The following MICAL2 variants were observed in gnomAD, a reference collection of about 807,000 sequenced individuals.
MICAL2 encodes microtubule associated monooxygenase, calponin and LIM domain containing 2, also known as [F-actin]-monooxygenase MICAL2.
Under a neutral mutation model 127.3 loss-of-function variants are expected in MICAL2, and 77 were observed. That is an observed-to-expected ratio of 0.60 (90% CI 0.50 to 0.73). MICAL2 has a LOEUF of 0.73. Among genes scored for constraint, MICAL2 ranks in the 30% least tolerant of loss-of-function variants. The pLI, the probability that MICAL2 is intolerant of heterozygous loss-of-function variation, is 0.00. For synonymous variants in MICAL2, 570 were observed against 551.1 expected, an observed-to-expected ratio of 1.03 and a Z score of -0.48; for missense variants, 1,351 against 1,434.4, an observed-to-expected ratio of 0.94 and a Z score of 0.94.
At chr11:12,309,113 G>A (rs1178780401) in intron 29 of MICAL2, among the ~76,000 whole-genome samples, 1 of 152,048 alleles carries the variant, frequency 6.6e-6, no homozygotes, top group African/African-American at 2.4e-5. Context: ...ATGCATATAT[G>A]TAATGTGTCA....
In MICAL2 at chr11:12,203,138, A is replaced by G. The variant is rs535680836; in HGVS notation, c.265-1112A>G. Among the ~76,000 whole-genome samples, 5 of 152,346 alleles carry G rather than the reference A, an allele frequency of 3.3e-5. No homozygotes were observed. The South Asian group carries it at 1.0e-3, about 32-fold the overall frequency. On this transcript the variant is annotated intron_variant, in intron 3 of 27. Coordinates refer to ENST00000683283, the MANE Select transcript of MICAL2 (RefSeq NM_001282663.2). ...CTGAATAATATTCCATTGTGCGGAT[A>G]TACCACATTTGGTTTCTTCATCAGT...
At chr11:12,330,900 AGTGTGTGTGT>A (rs200754218) in intron 32 of MICAL2, among the ~76,000 whole-genome samples, 11 of 119,448 alleles carry the variant, frequency 9.2e-5, no homozygotes, top group African/African-American at 1.5e-4. Context: ...AGAGAGAGAG[AGTGTGTGTGT>A]GTGTGTGTGT....
At chr11:12,207,546 A>G (rs1854863583) in intron 4 of MICAL2, among the ~76,000 whole-genome samples, 1 of 152,206 alleles carries the variant, frequency 6.6e-6, no homozygotes, top group African/African-American at 2.4e-5. Flanking sequence ...ACTCCTCACC[A>G]CTGGATGTCT....
downstream of MICAL2, among the ~76,000 whole-genome samples, chr11:12,360,403 T>C (rs1939189866): frequency 6.6e-6 from 1 of 152,172 alleles, no homozygotes; most frequent in South Asian, 2.1e-4. Flanking sequence ...TGTATAGTAT[T>C]AAAGATTTCA....
intron 29 of MICAL2, among the ~76,000 whole-genome samples, chr11:12,316,270 A>T (rs553776230): frequency 2.4e-4 from 37 of 152,016 alleles, no homozygotes; most frequent in Non-Finnish European, 5.3e-4. Flanking sequence ...TATTTAGTGA[A>T]AATGTTGACA....
At chr11:12,258,673 A>G (rs1009743571) in intron 25 of MICAL2, 117 bp downstream of exon 25, 3 of 884,112 alleles carry the variant, frequency 3.4e-6, no homozygotes, top group East Asian at 5.1e-5. Flanking sequence ...TGACTCACAG[A>G]TAAAGAAGAA....
At chr11:12,138,349 T>C (rs1339842747) in intron 1 of MICAL2, 41 bp from the exon 2 acceptor site, 1 of 152,224 alleles carries the variant, frequency 6.6e-6, no homozygotes, top group Non-Finnish European at 1.5e-5. Context: ...TAAGCTACGA[T>C]GATGTCACTG....
At chr11:12,220,652 G>C (rs985704215) in intron 9 of MICAL2, among the ~76,000 whole-genome samples, 194 bp downstream of exon 9, 3 of 152,266 alleles carry the variant, frequency 2.0e-5, no homozygotes, top group African/African-American at 7.2e-5. Context: ...CTGCCTCTGT[G>C]TAGTTAGGAG....
At chr11:12,156,686 G>A (rs913657529) in intron 2 of MICAL2, among the ~76,000 whole-genome samples, 12 of 152,194 alleles carry the variant, frequency 7.9e-5, no homozygotes, top group African/African-American at 2.9e-4. Context: ...GGGGTCTGTA[G>A]GCCCCACCTG....
intron 1 of MICAL2, among the ~76,000 whole-genome samples, chr11:12,134,250 A>G (rs1851659861): frequency 6.6e-6 from 1 of 152,154 alleles, no homozygotes; most frequent in South Asian, 2.1e-4. Context: ...CATGCTCCCC[A>G]CTTTCTCCCT....
intron 31 of MICAL2, chr11:12,327,085 T>C (rs1382291735): frequency 8.3e-7 from 1 of 1,208,730 alleles, no homozygotes; most frequent in African/African-American, 1.5e-5. Flanking sequence ...AAAGGGCCTC[T>C]TTCTCCTGGA....
At chr11:12,162,700 G>T (rs1360104310) in intron 3 of MICAL2, among the ~76,000 whole-genome samples, 1 of 152,236 alleles carries the variant, frequency 6.6e-6, no homozygotes, top group African/African-American at 2.4e-5. Context: ...TATCCCTGCT[G>T]CCACTACTAC....
downstream of MICAL2, among the ~76,000 whole-genome samples, chr11:12,265,870 CT>C (rs371334586): frequency 1.3e-5 from 2 of 152,264 alleles, no homozygotes; most frequent in African/African-American, 4.8e-5. Context: ...AATCCCAGCA[CT>C]TTGGGAGGCT....
chr11:12,115,567 C>T (rs1005071704), intron 1 of MICAL2, among the ~76,000 whole-genome samples: 11 of 152,136 alleles, frequency 7.2e-5, no homozygotes, highest in Admixed American at 5.2e-4. Flanking sequence ...AACTCATCTG[C>T]CTTGACCTTC....
intron 33 of MICAL2, among the ~76,000 whole-genome samples, chr11:12,351,460 C>T (rs1372745770): frequency 6.6e-6 from 1 of 152,202 alleles, no homozygotes; most frequent in African/African-American, 2.4e-5. Flanking sequence ...AAGTACAAGA[C>T]AGTCCCTTCC....
At chr11:12,327,316 G>A (rs545635058) in intron 32 of MICAL2, 2 of 1,465,042 alleles carry the variant, frequency 1.4e-6, no homozygotes, top group African/African-American at 1.4e-5. Context: ...TGAGAATAGT[G>A]CTAGCGTAAC....
At chr11:12,222,857 G>T in intron 11 of MICAL2, 114 bp downstream of exon 11, 2 of 1,336,248 alleles carry the variant, frequency 1.5e-6, no homozygotes, top group Non-Finnish European at 1.0e-6. Context: ...AGGCCACCAA[G>T]GCCTGCTGGC....
chr11:12,258,021 G>C (rs1862562210), intron 24 of MICAL2, among the ~76,000 whole-genome samples: 1 of 152,180 alleles, frequency 6.6e-6, no homozygotes, highest in South Asian at 2.1e-4. Flanking sequence ...CTGGCAACCG[G>C]TCTTATGAAG....
chr11:12,268,729 G>A (rs550003682), downstream of MICAL2, among the ~76,000 whole-genome samples: 3 of 152,286 alleles, frequency 2.0e-5, no homozygotes, highest in African/African-American at 4.8e-5. Flanking sequence ...GGTCGCTCAC[G>A]CGTGTAATCC....
Sources: gnomAD v4.1 joint callset for allele counts (sites outside exome capture counted in the v4.1 genomes callset) on GRCh38, gnomAD v4.1.1 for gene constraint, MANE v1.5 for transcripts, NCBI Gene and HGNC (gene_info 2026-07-23, HGNC 2026-07-21) for gene names.